Variants in CD86 observed in about 807,000 individuals in gnomAD.
CD86 encodes the protein CD86 molecule.
In CD86, 11 loss-of-function variants were observed where a neutral mutation model predicts 32.1. The ratio of observed to expected loss-of-function variants is 0.34; its 90% confidence interval spans 0.22 to 0.57. CD86 has a LOEUF of 0.57. Among genes scored for constraint, CD86 ranks in the 20% least tolerant of loss-of-function variants. The probability of loss-of-function intolerance (pLI) is 0.86; values close to 1 mark genes in which losing one functional copy is unlikely to be tolerated. For synonymous variants in CD86, 137 were observed against 135.3 expected (o/e 1.01, Z -0.09); for missense variants, 359 against 398.4 (o/e 0.90, Z 0.84).
At chr3:122,090,838 G>T (rs1211924123) in intron 1 of CD86, among the ~76,000 whole-genome samples, 2 of 152,158 alleles carry the variant, frequency 1.3e-5, no homozygotes, top group African/African-American at 4.8e-5. Flanking sequence ...TAGATTAAGT[G>T]AATTGCTCTC....
intron 1 of CD86, among the ~76,000 whole-genome samples, chr3:122,056,819 A>T (rs1407910966): frequency 6.6e-6 from 1 of 152,198 alleles, no homozygotes; most frequent in East Asian, 1.9e-4. Context: ...GAAAAAAAGA[A>T]TTTCAAAATT....
intron 2 of CD86, chr3:122,092,091 G>A (rs769931101): frequency 7.6e-5 from 12 of 157,364 alleles, no homozygotes; most frequent in Non-Finnish European, 1.3e-4. Context: ...CCCTTCATTC[G>A]GAGCACTGGC....
At chr3:122,106,169 AT>A (rs199821230) in intron 3 of CD86, 28 bp from the exon 4 acceptor site, 608 of 1,505,690 alleles carry the variant, frequency 4.0e-4, no homozygotes, top group African/African-American at 9.9e-4. Flanking sequence ...ACTTAGATTG[AT>A]TTTTTTTTAT....
chr3:122,103,382 A>C, intron 2 of CD86, 130 bp from the exon 3 acceptor site: 1 of 662,818 alleles, frequency 1.5e-6, no homozygotes, highest in Non-Finnish European at 2.6e-6. Context: ...GCACAGTTCC[A>C]GAGCTTAATA....
intron 5 of CD86, among the ~76,000 whole-genome samples, chr3:122,115,506 A>G (rs926046591): frequency 1.3e-5 from 2 of 152,138 alleles, no homozygotes; most frequent in Non-Finnish European, 2.9e-5. Flanking sequence ...TAAAAATCTT[A>G]CTCGAAAAGT....
chr3:122,064,599 G>GT (rs1183478443), intron 1 of CD86, among the ~76,000 whole-genome samples: 2 of 152,178 alleles, frequency 1.3e-5, no homozygotes, highest in Middle Eastern at 3.2e-3. Flanking sequence ...CTGTTGTCCT[G>GT]TGTATAAGGA....
In CD86 at chr3:122,111,737, G is replaced by A. The variant is rs561847984; in HGVS notation, c.847+2329G>A. On this transcript the variant is annotated intron_variant, in intron 5 of 6. Coordinates refer to ENST00000330540, the MANE Select transcript of CD86 (RefSeq NM_175862.5). ...AGCTGAATTCTGCCAAGAGACCAAT[G>A]TGGAAACAGCAGATCCCTCCACAGA... Among the ~76,000 whole-genome samples, 84 of 152,302 alleles carry A rather than the reference G, an allele frequency of 5.5e-4. No homozygotes were observed. In the Middle Eastern group the frequency reaches 0.01, roughly 19 times the overall value.
intron 1 of CD86, chr3:122,077,817 C>G: frequency 1.0e-6 from 1 of 985,494 alleles, no homozygotes; most frequent in Non-Finnish European, 1.2e-6. Flanking sequence ...GAGCACTGTC[C>G]CTGGCTGTGG....
intron 5 of CD86, among the ~76,000 whole-genome samples, chr3:122,112,277 G>C (rs1325669479): frequency 6.6e-6 from 1 of 151,988 alleles, no homozygotes; most frequent in East Asian, 1.9e-4. Flanking sequence ...TAAAGGTAAA[G>C]TGCCTTTTTC....
intron 1 of CD86, among the ~76,000 whole-genome samples, chr3:122,074,777 C>A (rs2072534512): frequency 6.6e-6 from 1 of 152,170 alleles, no homozygotes; most frequent in Non-Finnish European, 1.5e-5. Flanking sequence ...CCTCTGGTTG[C>A]TTCTACTTGC....
chr3:122,117,893 C>T (rs2073278282), intron 5 of CD86, among the ~76,000 whole-genome samples, 155 bp from the exon 6 acceptor site: 1 of 152,200 alleles, frequency 6.6e-6, no homozygotes, highest in South Asian at 2.1e-4. Context: ...TTCCCAATCC[C>T]CCTGAAATTG....
At chr3:122,100,327 C>T (rs1227637666) in intron 2 of CD86, among the ~76,000 whole-genome samples, 2 of 152,174 alleles carry the variant, frequency 1.3e-5, no homozygotes, top group South Asian at 2.1e-4. Flanking sequence ...ATAAAACAAA[C>T]AGTAGCTGGG....
chr3:122,118,015 A>G (rs763207267), intron 5 of CD86, 33 bp from the exon 6 acceptor site: 17 of 1,592,882 alleles, frequency 1.1e-5, no homozygotes, highest in Non-Finnish European at 1.5e-5. Flanking sequence ...TAGGAGGAAT[A>G]CATTTTTGAA....
intron 1 of CD86, among the ~76,000 whole-genome samples, chr3:122,086,756 T>C (rs2072728249): frequency 6.6e-6 from 1 of 152,210 alleles, no homozygotes; most frequent in Non-Finnish European, 1.5e-5. Flanking sequence ...CACCCCAGTC[T>C]GTCTCTCTGA....
intron 1 of CD86, among the ~76,000 whole-genome samples, chr3:122,056,904 T>G (rs916566877): frequency 6.6e-6 from 1 of 152,216 alleles, no homozygotes; most frequent in Non-Finnish European, 1.5e-5. Flanking sequence ...TAAAAAACCA[T>G]AGGCTGCTGT....
In CD86 at chr3:122,109,283, C is replaced by T; in HGVS notation, c.722C>T (p.Pro241Leu). 6.2e-7 allele frequency: 1 copy of T among 1,613,596 alleles called. No homozygotes were observed. Among genetic ancestry groups the T allele is most frequent in the Non-Finnish European group, 8.5e-7 (1 of 1,179,798 alleles). ...PFSIELEDPQPPPDHIPWITA... is the reference protein window; with the variant it reads ...PFSIELEDPQLPPDHIPWITA... The stretch of plus-strand genomic sequence containing the variant: ...TTTGTAGAGCTTGAGGACCCTCAGC[C>T]TCCCCCAGACCACATTCCTTGGATT... The change falls in exon 5 of 7, where the codon CCT (proline) becomes CTT (leucine). Residue 241 changes from proline to leucine, a missense_variant. Pro to Leu is a moderately conservative substitution (Grantham distance 98, BLOSUM62 -3). Transcript: ENST00000330540.
At chr3:122,087,197 G>C (rs1343675010) in intron 1 of CD86, among the ~76,000 whole-genome samples, 2 of 152,126 alleles carry the variant, frequency 1.3e-5, no homozygotes, top group Non-Finnish European at 2.9e-5. Flanking sequence ...TTTACATGGA[G>C]GCTCCTCTTT....
chr3:122,086,732 G>T, intron 1 of CD86: 1 of 401,240 alleles, frequency 2.5e-6, no homozygotes, highest in South Asian at 1.8e-5. Flanking sequence ...ATACTTTGGG[G>T]CCCCTTCTTC....
At chr3:122,113,988 C>T (rs561836534) in intron 5 of CD86, among the ~76,000 whole-genome samples, 2 of 152,282 alleles carry the variant, frequency 1.3e-5, no homozygotes, top group African/African-American at 2.4e-5. Flanking sequence ...TGGTGGCTCA[C>T]ACCTGTAATC....
Sources: allele counts gnomAD v4.1 joint callset (sites outside exome capture counted in the v4.1 genomes callset), GRCh38; gene constraint gnomAD v4.1.1; transcripts MANE v1.5; gene names NCBI Gene and HGNC (gene_info 2026-07-23, HGNC 2026-07-21).